GUCY2C: variants seen among roughly 807,000 people sequenced by gnomAD.
The protein encoded by GUCY2C is guanylyl cyclase C.
GUCY2C carries 118 observed loss-of-function variants against 131.1 expected under a neutral mutation model. The ratio of observed to expected loss-of-function variants is 0.90; its 90% CI spans 0.78 to 1.05. The LOEUF (loss-of-function observed/expected upper bound fraction) is 1.05, where lower values mean the gene tolerates loss of function less well. GUCY2C is among the 50% of genes least tolerant of loss of function. The pLI is 0.00. For missense variants in GUCY2C, 1,161 were observed against 1,304.4 expected (o/e 0.89, Z 1.69); for synonymous variants, 452 against 457.8 (o/e 0.99, Z 0.16).
chr12:14,625,196 G>A (rs1377770702), intron 21 of GUCY2C, among the ~76,000 whole-genome samples: 2 of 152,176 alleles, frequency 1.3e-5, no homozygotes, highest in Non-Finnish European at 2.9e-5. Flanking sequence ...TGAGGTCAGA[G>A]TTACTAAAGG....
chr12:14,681,378 C>G lies in GUCY2C; in HGVS notation c.711G>C (p.Met237Ile). The change falls in exon 5 of 27, where the codon ATG becomes ATC. Residue 237 changes from methionine (M) to isoleucine (I), a missense_variant. Coordinates refer to ENST00000261170, the MANE Select transcript of GUCY2C (RefSeq NM_004963.4). ...TACCATTGCTTTTCCTGTTGTGGTCCATTAAGATATCCTGAAACTCCTTAT... is the reference window on the plus strand; with the variant it reads ...TACCATTGCTTTTCCTGTTGTGGTCGATTAAGATATCCTGAAACTCCTTAT... ...RQDKEFQDIL[M>I]DHNRKSNVII... The G allele has an allele frequency of 1.2e-6, 2 of 1,612,718 alleles. No homozygotes were observed. The highest frequency in any genetic ancestry group is 1.7e-6 in the Non-Finnish European group (2 of 1,178,942).
At chr12:14,629,733 T>C (rs1238188823) in intron 19 of GUCY2C, among the ~76,000 whole-genome samples, 3 of 152,236 alleles carry the variant, frequency 2.0e-5, no homozygotes, top group Non-Finnish European at 4.4e-5. Context: ...TCCATGGTTC[T>C]AACTTATAGC....
At chr12:14,687,716 A>G (rs1159873630) in intron 2 of GUCY2C, among the ~76,000 whole-genome samples, 2 of 152,252 alleles carry the variant, frequency 1.3e-5, no homozygotes, top group Non-Finnish European at 2.9e-5. Context: ...ATGAAAGTGT[A>G]CACACAGTAC....
At chr12:14,665,401 G>A (rs1417486755) in intron 10 of GUCY2C, among the ~76,000 whole-genome samples, 1 of 152,134 alleles carries the variant, frequency 6.6e-6, no homozygotes, top group Non-Finnish European at 1.5e-5. Context: ...CTGAGAGCAT[G>A]GGGAAGGGAT....
intron 3 of GUCY2C, among the ~76,000 whole-genome samples, chr12:14,684,492 C>T (rs891396037): frequency 1.3e-5 from 2 of 152,028 alleles, no homozygotes; most frequent in Admixed American, 6.6e-5. Flanking sequence ...CTTCTGTGCA[C>T]TCTATAGCTT....
intron 1 of GUCY2C, among the ~76,000 whole-genome samples, chr12:14,688,762 C>A (rs1948525024): frequency 1.3e-5 from 2 of 152,180 alleles, no homozygotes; most frequent in Non-Finnish European, 1.5e-5. Flanking sequence ...CTAGGGGGAG[C>A]TGGGACCTGC....
intron 10 of GUCY2C, among the ~76,000 whole-genome samples, chr12:14,666,270 G>T (rs1039864701): frequency 6.6e-6 from 1 of 152,218 alleles, no homozygotes; most frequent in African/African-American, 2.4e-5. Context: ...CCCCACACAT[G>T]GCTACAAAGA....
intron 8 of GUCY2C, among the ~76,000 whole-genome samples, chr12:14,673,919 C>T (rs1948169248): frequency 2.0e-5 from 3 of 152,292 alleles, no homozygotes; most frequent in South Asian, 2.1e-4. Context: ...TGGTGCAGCC[C>T]TCAGTCCTAA....
chr12:14,672,214 C>G (rs1948128206), intron 9 of GUCY2C: 1 of 152,106 alleles, frequency 6.6e-6, no homozygotes, highest in Non-Finnish European at 1.5e-5. Context: ...GACATGAAGA[C>G]AGGTGTTTTT....
rs752698856 is a variant in GUCY2C at position 14,656,476 on chromosome 12, T to C, written c.1470+36A>G. Reference sequence around the variant, plus strand: ...TAAGTCTTGTCAAATACCTGCCAAATTGAACCCATTCTTCAACAGGTAAGG... The same window carrying C: ...TAAGTCTTGTCAAATACCTGCCAAACTGAACCCATTCTTCAACAGGTAAGG... On this transcript the variant is annotated intron_variant, in intron 12 of 26. Transcript: ENST00000261170. 3.5e-5 allele frequency: 36 copies of C among 1,031,444 alleles called. No individual in the cohort carries two copies. In the Admixed American group the frequency reaches 6.2e-4, roughly 18 times the overall value. The allele number at this position is 1,031,444 out of a possible 1,614,324, so 63.9% of individuals were successfully genotyped here.
At chr12:14,650,967 C>T (rs1038744195) in intron 15 of GUCY2C, among the ~76,000 whole-genome samples, 11 of 151,940 alleles carry the variant, frequency 7.2e-5, no homozygotes, top group Non-Finnish European at 1.0e-4. Context: ...AGTCCAAATA[C>T]CTGACCTCAT....
At chr12:14,686,298 G>C in intron 2 of GUCY2C, 73 bp from the exon 3 acceptor site, 1 of 1,083,322 alleles carries the variant, frequency 9.2e-7, no homozygotes, top group Non-Finnish European at 1.4e-6. Context: ...GAAGTAGCAA[G>C]GGGAAGGCTC....
chr12:14,619,548 G>A (rs1347644887), intron 23 of GUCY2C, among the ~76,000 whole-genome samples: 2 of 152,168 alleles, frequency 1.3e-5, no homozygotes, highest in African/African-American at 4.8e-5. Context: ...GACATTTGTA[G>A]CAAATAGGAA....
chr12:14,639,170 C>T (rs997086856), intron 19 of GUCY2C, among the ~76,000 whole-genome samples: 3 of 151,688 alleles, frequency 2.0e-5, no homozygotes, highest in Non-Finnish European at 2.9e-5. Context: ...TGGTGGCAGG[C>T]GCCTGTAGTC....
chr12:14,679,534 TATC>T, intron 6 of GUCY2C, 120 bp downstream of exon 6: 1 of 611,164 alleles, frequency 1.6e-6, no homozygotes, highest in East Asian at 2.8e-5. Context: ...GTTCAAATAT[TATC>T]ATCATACTTA....
rs753574088 is a variant in GUCY2C at position 14,683,040 on chromosome 12, A to T, written c.611+2T>A. 6.3e-7 allele frequency: 1 copy of T among 1,592,494 alleles called. No homozygotes were observed. Among genetic ancestry groups the T allele is most frequent in the Non-Finnish European group, 8.6e-7 (1 of 1,160,426 alleles). ...TAGTGAAATATTAATGATCCTGCTT[A>T]CCAGAAACAGTCCTCAGTTTCTGTA... On this transcript the variant is annotated splice_donor_variant, in intron 4 of 26. Coordinates refer to ENST00000261170, the MANE Select transcript of GUCY2C (RefSeq NM_004963.4). LOFTEE classifies it high-confidence loss of function.
intron 11 of GUCY2C, among the ~76,000 whole-genome samples, chr12:14,659,332 T>C (rs7313164): frequency 0.61 from 93,036 of 151,992 alleles, 29,205 homozygotes; most frequent in East Asian, 0.87. Context: ...TGTGAGCCAC[T>C]GTGTTCGGCC....
Position 14,661,080 on chromosome 12 carries a change from T to C in GUCY2C, c.1283-18A>G. ...CTGAGGGCCTGTGGCGGAAAATGCG[T>C]TAGGAAGGACCTTAGACAAGAGAGC... On this transcript the variant is annotated intron_variant, in intron 10 of 26. Transcript: ENST00000261170. The C allele has an allele frequency of 6.6e-7, 1 of 1,520,016 alleles. No homozygotes were observed. The highest frequency in any genetic ancestry group is 9.1e-7 in the Non-Finnish European group (1 of 1,094,324). 94.2% of individuals were successfully genotyped at this position (1,520,016 alleles called of 1,614,324 possible). A position where few individuals can be genotyped will look rare whatever the true frequency, so the allele number is the denominator to read the frequency against.
At position 14,681,917 on chromosome 12, in the gene GUCY2C, A is replaced by G. The variant is rs546602461; in HGVS notation, c.612-440T>C. ...AAGTTGAAACCCTTGAATCTACAGT[A>G]CAAAAATGCAGAGTTGATAGGAATA... On this transcript the variant is annotated intron_variant, in intron 4 of 26. Coordinates refer to ENST00000261170, the MANE Select transcript of GUCY2C (RefSeq NM_004963.4). Among the ~76,000 whole-genome samples, 8 of 152,272 alleles carry G rather than the reference A, an allele frequency of 5.3e-5. No homozygotes were observed. The South Asian group carries it at 1.5e-3, about 28-fold the overall frequency.
Sources: allele counts gnomAD v4.1 joint callset (sites outside exome capture counted in the v4.1 genomes callset), GRCh38; gene constraint gnomAD v4.1.1; transcripts MANE v1.5; gene names NCBI Gene and HGNC (gene_info 2026-07-23, HGNC 2026-07-21).